Variants in ANO10 observed in about 807,000 individuals in gnomAD.
The protein encoded by ANO10 is anoctamin 10, also known as anoctamin-10.
A neutral mutation model predicts 74.7 loss-of-function variants in ANO10; 77 were observed. The observed-to-expected ratio is 1.03, with a 90% CI of 0.86 to 1.25. The LOEUF (loss-of-function observed/expected upper bound fraction) is 1.25, where lower values mean the gene tolerates loss of function less well. Ranked by LOEUF, ANO10 falls within the 50% of genes most tolerant of loss-of-function variation. The pLI is 0.00. For missense variants in ANO10, 721 were observed against 778.1 expected (o/e 0.93, Z 0.87); for synonymous variants, 279 against 284.9 (o/e 0.98, Z 0.21).
chr3:43,676,602 A>T (rs2084125567), intron 1 of ANO10, among the ~76,000 whole-genome samples: 1 of 152,198 alleles, frequency 6.6e-6, no homozygotes, highest in Non-Finnish European at 1.5e-5. Context: ...AAGGGCAACA[A>T]GAGGGATCTT....
At chr3:43,681,707 A>T (rs1484887399) in intron 1 of ANO10, among the ~76,000 whole-genome samples, 4 of 152,226 alleles carry the variant, frequency 2.6e-5, no homozygotes, top group Admixed American at 1.3e-4. Context: ...AATGTAAAAG[A>T]ACAGAAATTA....
intron 12 of ANO10, chr3:43,424,717 T>A (rs1335902418): frequency 6.6e-6 from 1 of 152,174 alleles, no homozygotes; most frequent in Non-Finnish European, 1.5e-5. Flanking sequence ...TAGTCTGAAT[T>A]TTTGGGGAGA....
At chr3:43,541,018 A>G (rs1159767807) in intron 11 of ANO10, among the ~76,000 whole-genome samples, 1 of 152,228 alleles carries the variant, frequency 6.6e-6, no homozygotes, top group Non-Finnish European at 1.5e-5. Flanking sequence ...GTAAATTCCA[A>G]GATTATCACA....
chr3:43,528,593 A>T (rs1000378450), intron 11 of ANO10, among the ~76,000 whole-genome samples: 14 of 152,150 alleles, frequency 9.2e-5, no homozygotes, highest in African/African-American at 3.1e-4. Context: ...TGAAAATATA[A>T]TAAGGGACAC....
Position 43,580,490 on chromosome 3 carries a change from G to A in ANO10, c.473-18C>T. Reference sequence around the variant, plus strand: ...TCTTCTCACTGCACAGGGAAAATGTGCCAAACTGCATGAAATGGACTGGAG... The same window carrying A: ...TCTTCTCACTGCACAGGGAAAATGTACCAAACTGCATGAAATGGACTGGAG... On this transcript the variant is annotated intron_variant, in intron 4 of 12. Transcript: ENST00000292246. The A allele has an allele frequency of 1.9e-6, 3 of 1,612,422 alleles. No individual in the cohort carries two copies. The South Asian group carries it at 3.3e-5, about 18-fold the overall frequency.
intron 12 of ANO10, among the ~76,000 whole-genome samples, chr3:43,395,526 C>T (rs901375553): frequency 8.6e-5 from 13 of 152,004 alleles, no homozygotes; most frequent in African/African-American, 3.1e-4. Flanking sequence ...GTTCCAGAAC[C>T]GTTTATTGAA....
intron 1 of ANO10, among the ~76,000 whole-genome samples, chr3:43,629,362 C>G (rs986066899): frequency 2.6e-5 from 4 of 152,192 alleles, no homozygotes; most frequent in African/African-American, 9.6e-5. Flanking sequence ...GCCTTTTCAT[C>G]ATCTATGAAG....
At chr3:43,454,395 C>T (rs957647741) in intron 11 of ANO10, among the ~76,000 whole-genome samples, 1 of 152,138 alleles carries the variant, frequency 6.6e-6, no homozygotes, top group African/African-American at 2.4e-5. Flanking sequence ...AGGTTATTAA[C>T]AAAACCACTG....
At chr3:43,684,090 T>C (rs549805812) in intron 1 of ANO10, among the ~76,000 whole-genome samples, 1 of 152,210 alleles carries the variant, frequency 6.6e-6, no homozygotes, top group South Asian at 2.1e-4. Context: ...GGGATCTAGT[T>C]AAACTAAAGA....
chr3:43,643,980 A>T (rs553850750), intron 1 of ANO10, among the ~76,000 whole-genome samples: 3 of 152,150 alleles, frequency 2.0e-5, no homozygotes, highest in Admixed American at 2.0e-4. Flanking sequence ...CACCGCTGAG[A>T]TAACTTGAAA....
intron 12 of ANO10, among the ~76,000 whole-genome samples, chr3:43,399,236 C>T (rs2092437954): frequency 6.6e-6 from 1 of 152,242 alleles, no homozygotes; most frequent in African/African-American, 2.4e-5. Context: ...ATTATACAGC[C>T]TTGCCCATTC....
intron 1 of ANO10, among the ~76,000 whole-genome samples, chr3:43,655,538 A>C (rs1019774706): frequency 6.6e-6 from 1 of 152,134 alleles, no homozygotes; most frequent in Non-Finnish European, 1.5e-5. Context: ...TTATTCTCTT[A>C]TGTGGCCCCA....
chr3:43,499,938 T>C (rs2077042266), intron 11 of ANO10, among the ~76,000 whole-genome samples: 1 of 152,048 alleles, frequency 6.6e-6, no homozygotes, highest in Admixed American at 6.5e-5. Context: ...TTCAAGCGAT[T>C]CTCCTGTCTC....
intron 11 of ANO10, among the ~76,000 whole-genome samples, chr3:43,436,725 G>A (rs2093073671): frequency 6.6e-6 from 1 of 152,186 alleles, no homozygotes; most frequent in South Asian, 2.1e-4. Context: ...CTGCAGGGTT[G>A]TCAAACCCTA....
chr3:43,395,769 T>C, intron 12 of ANO10, among the ~76,000 whole-genome samples: 1 of 119,794 alleles, frequency 8.3e-6, no homozygotes, highest in East Asian at 2.1e-4. Context: ...CATCAACTTC[T>C]ACAAAAAAAA....
intron 10 of ANO10, among the ~76,000 whole-genome samples, chr3:43,553,686 C>T (rs1286976957): frequency 1.3e-5 from 2 of 152,050 alleles, no homozygotes; most frequent in Admixed American, 6.6e-5. Flanking sequence ...TAAGTGCCCA[C>T]CACCACGCCC....
intron 1 of ANO10, among the ~76,000 whole-genome samples, chr3:43,643,824 C>G (rs1351042283): frequency 5.9e-5 from 9 of 151,598 alleles, no homozygotes; most frequent in African/African-American, 2.2e-4. Flanking sequence ...GCTCGGACTA[C>G]AGGCACCCGC....
intron 11 of ANO10, among the ~76,000 whole-genome samples, chr3:43,519,692 A>C (rs1333527838): frequency 4.6e-5 from 7 of 152,060 alleles, no homozygotes; most frequent in Admixed American, 1.3e-4. Context: ...CTTCACTCAT[A>C]TGAGGGCAGA....
At chr3:43,560,687 T>C (rs1450040159) in intron 9 of ANO10, among the ~76,000 whole-genome samples, 1 of 152,218 alleles carries the variant, frequency 6.6e-6, no homozygotes, top group African/African-American at 2.4e-5. Flanking sequence ...ATTAAAAGTG[T>C]AAATCTCTAA....
Sources: allele counts gnomAD v4.1 joint callset (sites outside exome capture counted in the v4.1 genomes callset), GRCh38; gene constraint gnomAD v4.1.1; transcripts MANE v1.5; gene names NCBI Gene and HGNC (gene_info 2026-07-23, HGNC 2026-07-21).